TP73: variants seen among roughly 807,000 people sequenced by gnomAD.
TP73 encodes the protein tumor protein p73, also known as p53-like transcription factor.
A neutral mutation model predicts 62.5 loss-of-function variants in TP73; 25 were observed. The ratio of observed to expected loss-of-function variants is 0.40; its 90% confidence interval spans 0.29 to 0.56. The LOEUF (loss-of-function observed/expected upper bound fraction) is 0.56. Ranked by LOEUF, TP73 falls within the 20% of genes least tolerant of loss-of-function variation. The pLI, the probability that TP73 is intolerant of heterozygous loss-of-function variation, is 0.46. For missense variants in TP73, 754 were observed against 913.3 expected (o/e 0.83, Z 2.25); for synonymous variants, 423 against 377.5 (o/e 1.12, Z -1.40).
chr1:3,712,039 T>G (rs1640195589), intron 4 of TP73, among the ~76,000 whole-genome samples: 1 of 152,070 alleles, frequency 6.6e-6, no homozygotes, highest in Non-Finnish European at 1.5e-5. Context: ...GGAGCAACCT[T>G]CCCAGCGCCT....
At position 3,688,608 on chromosome 1, in the gene TP73, C is replaced by T. The variant is rs77613405; in HGVS notation, c.186+5428C>T. ...AACCTGGAGGAGGCGCTAAGGGCCA[C>T]GCCAAGGGGGTGTGGCCCCAGATCC... On this transcript the variant is annotated intron_variant, in intron 3 of 13. Coordinates refer to ENST00000378295, the MANE Select transcript of TP73 (RefSeq NM_005427.4). 1.5e-3 allele frequency among the ~76,000 whole-genome samples: 236 copies of T among 152,304 alleles called. 1 individual carries two copies. The highest frequency in any genetic ancestry group is 4.5e-3 in the African/African-American group (188 of 41,566).
At chr1:3,688,893 C>T (rs1288406053) in intron 3 of TP73, among the ~76,000 whole-genome samples, 1 of 152,192 alleles carries the variant, frequency 6.6e-6, no homozygotes, top group Non-Finnish European at 1.5e-5. Context: ...ACTTGGCGCT[C>T]TCCTTTTGGC....
At chr1:3,681,575 G>A (rs889375620) in intron 1 of TP73, among the ~76,000 whole-genome samples, 1 of 152,200 alleles carries the variant, frequency 6.6e-6, no homozygotes, top group Non-Finnish European at 1.5e-5. Flanking sequence ...GCCGGCTGCA[G>A]GACAGGGCAG....
chr1:3,707,450 G>T (rs952628285), intron 3 of TP73, 99 bp from the exon 4 acceptor site: 8 of 1,489,494 alleles, frequency 5.4e-6, no homozygotes, highest in Middle Eastern at 1.8e-4. Context: ...GACTGGAGCC[G>T]CTGGCCCTTT....
intron 1 of TP73, chr1:3,659,334 G>A (rs1032779041): frequency 2.0e-5 from 3 of 152,204 alleles, no homozygotes; most frequent in Non-Finnish European, 4.4e-5. Flanking sequence ...AGGCGTGAGG[G>A]TCCCTCGCAC....
intron 7 of TP73, 64 bp downstream of exon 7, chr1:3,727,288 G>T (rs1641728484): frequency 6.7e-7 from 1 of 1,486,966 alleles, no homozygotes; most frequent in Non-Finnish European, 9.3e-7. Context: ...GGGGGAGAAG[G>T]GGAGCTGTCA....
Position 3,733,113 on chromosome 1 carries a change from C to CA in TP73, c.*35dup. On this transcript the variant is annotated 3_prime_UTR_variant, in exon 14 of 14. Coordinates refer to ENST00000378295, the MANE Select transcript of TP73 (RefSeq NM_005427.4). ...CCTGGCTGCAGCCTGCGCCACCGCC[C>CA]AGAGACCCAAGCTGCCTCCCCTCTC... The CA allele has an allele frequency of 6.7e-7, 1 of 1,500,450 alleles. No individual in the cohort carries two copies. The highest frequency in any genetic ancestry group is 8.9e-7 in the Non-Finnish European group (1 of 1,124,846). 92.9% of individuals were successfully genotyped at this position (1,500,450 alleles called of 1,614,324 possible).
intron 9 of TP73, among the ~76,000 whole-genome samples, chr1:3,728,430 G>A (rs1047988529): frequency 2.4e-4 from 36 of 152,210 alleles, no homozygotes; most frequent in African/African-American, 8.4e-4. Flanking sequence ...AGTCCCCTCA[G>A]TCCCAAAAAC....
In TP73 at chr1:3,683,075, C is replaced by T. The variant is rs1268185162; in HGVS notation, c.81C>T (p.Thr27=). 1.2e-6 allele frequency: 2 copies of T among 1,609,466 alleles called. No homozygotes were observed. Among genetic ancestry groups the T allele is most frequent in the Non-Finnish European group, 1.7e-6 (2 of 1,176,488 alleles). ...HLWSSLEPDS[T]YFDLPQSSRG... ...CCTGCCCCAGGGAACCAGACAGCACCTACTTCGACCTTCCCCAGTCAAGCC... is the reference window on the plus strand; with the variant it reads ...CCTGCCCCAGGGAACCAGACAGCACTTACTTCGACCTTCCCCAGTCAAGCC... The change falls in exon 3 of 14, where the codon ACC becomes ACT. Residue 27 remains threonine, a synonymous_variant. Coordinates refer to ENST00000378295, the MANE Select transcript of TP73 (RefSeq NM_005427.4).
chr1:3,726,961 T>C (rs1481857259), intron 6 of TP73, among the ~76,000 whole-genome samples, 154 bp from the exon 7 acceptor site: 9 of 151,984 alleles, frequency 5.9e-5, no homozygotes, highest in Non-Finnish European at 8.8e-5. Context: ...GATGGATGAA[T>C]GAGTGGACAG....
At chr1:3,716,671 GGGCTGTCACCAAGGGGGCCCTGT>G (rs1640625572) in intron 4 of TP73, among the ~76,000 whole-genome samples, 1 of 152,192 alleles carries the variant, frequency 6.6e-6, no homozygotes, top group African/African-American at 2.4e-5. Context: ...CCCACGAAGG[GGGCTGTCACCAAGGGGGCCCTGT>G]GGCTGCCACC....
At chr1:3,724,529 C>T (rs1324586835) in intron 6 of TP73, among the ~76,000 whole-genome samples, 2 of 152,234 alleles carry the variant, frequency 1.3e-5, no homozygotes, top group Non-Finnish European at 2.9e-5. Flanking sequence ...GGAGGGCTCC[C>T]TGAAACCCAT....
At chr1:3,703,994 C>T (rs111648991) in intron 3 of TP73, among the ~76,000 whole-genome samples, 3,766 of 152,252 alleles carry the variant, frequency 0.025, 149 homozygotes, top group African/African-American at 0.083. Context: ...GGCTGGCACC[C>T]GGTACCCGGT....
intron 4 of TP73, among the ~76,000 whole-genome samples, chr1:3,713,538 T>G (rs1019797082): frequency 2.0e-5 from 3 of 152,060 alleles, no homozygotes; most frequent in Non-Finnish European, 4.4e-5. Context: ...TGCTTCCCGG[T>G]CTGGTGGGTT....
At chr1:3,683,924 G>A (rs1221243291) in intron 3 of TP73, among the ~76,000 whole-genome samples, 1 of 152,244 alleles carries the variant, frequency 6.6e-6, no homozygotes, top group Non-Finnish European at 1.5e-5. Flanking sequence ...GGCAGGCAGG[G>A]CCAGTGAGGC....
Position 3,707,554 on chromosome 1 carries a change from G to C in TP73, c.192G>C (p.Gln64His), listed in dbSNP as rs1639769871. ...CCTCCCCTTTCCCGCGCCAGGCCCA[G>C]TTCAATCTGCTGAGCAGCACCATGG... ...LEGMTTSVMA[Q>H]FNLLSSTMDQ... Residue 64 changes from glutamine (Q) to histidine (H), a missense_variant, in exon 4 of 14, where the codon CAG becomes CAC. Physicochemically the swap from Gln to His is conservative, Grantham distance 24 (BLOSUM62 0). Coordinates refer to ENST00000378295, the MANE Select transcript of TP73 (RefSeq NM_005427.4). The C allele has an allele frequency of 1.2e-6, 2 of 1,607,340 alleles. No homozygotes were observed. The highest frequency in any genetic ancestry group is 3.3e-5 in the Admixed American group (2 of 59,876).
At chr1:3,654,193 G>A (rs750890682) in intron 1 of TP73, among the ~76,000 whole-genome samples, 3 of 152,158 alleles carry the variant, frequency 2.0e-5, no homozygotes, top group Non-Finnish European at 4.4e-5. Context: ...GATGAAATAA[G>A]ATAAAAGTTG....
intron 1 of TP73, among the ~76,000 whole-genome samples, chr1:3,658,560 T>C (rs1008590524): frequency 1.3e-5 from 2 of 152,246 alleles, no homozygotes; most frequent in Admixed American, 6.5e-5. Context: ...ATCAGTCTCA[T>C]GGTGAGAAAA....
rs899372788 is a variant in TP73 at position 3,701,357 on chromosome 1, G to A, written c.187-6192G>A. Among the ~76,000 whole-genome samples, 8 of 152,182 alleles carry A rather than the reference G, an allele frequency of 5.3e-5. No homozygotes were observed. The highest frequency in any genetic ancestry group is 1.4e-4 in the African/African-American group (6 of 41,434). On this transcript the variant is annotated intron_variant, in intron 3 of 13. Transcript: ENST00000378295. This position sits in a 1 kb window ranked among gnomAD's most constrained non-coding sequence, Gnocchi z 4.7. ...CCTGGCTGGGTTTTTGTGCCAAGGC[G>A]TGGAGGTCATGCCTCGTGCATGGGA...
Sources: gnomAD v4.1 joint callset for allele counts (sites outside exome capture counted in the v4.1 genomes callset) on GRCh38, gnomAD v4.1.1 for gene constraint, Gnocchi (gnomAD v3.1) non-coding constraint, MANE v1.5 for transcripts, NCBI Gene and HGNC (gene_info 2026-07-23, HGNC 2026-07-21) for gene names.